ADGRL2: variants seen among roughly 807,000 people sequenced by gnomAD.
ADGRL2 encodes the protein adhesion G protein-coupled receptor L2, also known as calcium-independent alpha-latrotoxin receptor 2.
A neutral mutation model predicts 157.4 loss-of-function variants in ADGRL2; 44 were observed. The ratio of observed to expected loss-of-function variants is 0.28; its 90% CI spans 0.22 to 0.36. The LOEUF (loss-of-function observed/expected upper bound fraction) is 0.36, where lower values mean the gene tolerates loss of function less well. Ranked by LOEUF, ADGRL2 falls within the 10% of genes least tolerant of loss-of-function variation. The pLI, the probability that ADGRL2 is intolerant of heterozygous loss-of-function variation, is 1.00. For synonymous variants in ADGRL2, 585 were observed against 624.7 expected, an observed-to-expected ratio of 0.94 and a Z score of 0.95; for missense variants, 1,510 against 1,768.9, an observed-to-expected ratio of 0.85 and a Z score of 2.63.
chr1:81,466,917 TAATC>T (rs1440844864), intron 2 of ADGRL2, among the ~76,000 whole-genome samples: 3 of 152,108 alleles, frequency 2.0e-5, no homozygotes, highest in Admixed American at 6.5e-5. Context: ...ACTGAAGAGG[TAATC>T]AATCACTCTG....
intron 2 of ADGRL2, among the ~76,000 whole-genome samples, chr1:81,564,080 A>G (rs1460501893): frequency 6.6e-6 from 1 of 152,178 alleles, no homozygotes; most frequent in Non-Finnish European, 1.5e-5. Flanking sequence ...TCTAACCCCA[A>G]AACAATGATC....
At chr1:81,714,286 T>C (rs770127941) in intron 1 of ADGRL2, among the ~76,000 whole-genome samples, 11 of 152,214 alleles carry the variant, frequency 7.2e-5, no homozygotes, top group Non-Finnish European at 2.9e-5. Context: ...TTAATAATTG[T>C]GCCAGAGCAA....
intron 1 of ADGRL2, among the ~76,000 whole-genome samples, chr1:81,810,230 A>C (rs2149642636): frequency 6.6e-6 from 1 of 152,078 alleles, no homozygotes; most frequent in South Asian, 2.1e-4. Context: ...TAATGGGCAA[A>C]CCATTACAAG....
chr1:81,446,023 T>C (rs1020254049), intron 2 of ADGRL2, among the ~76,000 whole-genome samples: 2 of 152,218 alleles, frequency 1.3e-5, no homozygotes, highest in Non-Finnish European at 2.9e-5. Flanking sequence ...TTCTCAATTC[T>C]TCCATAGTCC....
intron 3 of ADGRL2, among the ~76,000 whole-genome samples, chr1:81,684,444 T>A (rs978806109): frequency 6.6e-6 from 1 of 152,230 alleles, no homozygotes; most frequent in Non-Finnish European, 1.5e-5. Flanking sequence ...TTGAGAATTG[T>A]CTATTCATGT....
chr1:81,943,673 G>A lies in ADGRL2; in HGVS notation c.1114G>A (p.Val372Met). Residue 372 changes from valine to methionine, a missense_variant, in exon 6 of 24, where the codon GTG becomes ATG. By Grantham distance (21) the Val-to-Met change is conservative. Transcript: ENST00000686636. This position sits in a 1 kb window ranked among gnomAD's most constrained non-coding sequence, Gnocchi z 5.6. ...FPNQYQYIAA[V>M]DYNPRDNQLY... ...CAACCAGTATCAGTATATTGCTGCAGTGGATTACAATCCAAGAGATAACCA... is the reference window on the plus strand; with the variant it reads ...CAACCAGTATCAGTATATTGCTGCAATGGATTACAATCCAAGAGATAACCA... 6 of 1,613,346 alleles carry A rather than the reference G, an allele frequency of 3.7e-6. No homozygotes were observed. The highest frequency in any genetic ancestry group is 5.1e-6 in the Non-Finnish European group (6 of 1,179,396).
rs149562444 is a variant in ADGRL2, at chr1:81,434,524, G to T, written c.-301-10512G>T. On this transcript the variant is annotated intron_variant, in intron 1 of 24. Coordinates refer to the ADGRL2 transcript ENST00000370721. Reference sequence around the variant, plus strand: ...TGCTTGATGAGGGTACCATAAATATGTGTTGAATTAATGAGTGAACTAGTG... The same window carrying T: ...TGCTTGATGAGGGTACCATAAATATTTGTTGAATTAATGAGTGAACTAGTG... 2.5e-4 allele frequency among the ~76,000 whole-genome samples: 38 copies of T among 152,148 alleles called. 2 individuals carry two copies. The East Asian group carries it at 7.4e-3, about 29-fold the overall frequency.
At chr1:81,457,775 C>G (rs561600544) in intron 2 of ADGRL2, among the ~76,000 whole-genome samples, 26 of 152,282 alleles carry the variant, frequency 1.7e-4, no homozygotes, top group African/African-American at 6.0e-4. Context: ...CTGGTCATCT[C>G]CATACCTTTT....
intron 2 of ADGRL2, among the ~76,000 whole-genome samples, chr1:81,476,992 A>G (rs1202866477): frequency 6.6e-6 from 1 of 152,216 alleles, no homozygotes; most frequent in Admixed American, 6.5e-5. Flanking sequence ...GGAAATATCC[A>G]TGGATGTCCC....
intron 3 of ADGRL2, among the ~76,000 whole-genome samples, chr1:81,671,112 A>C (rs2082866252): frequency 6.6e-6 from 1 of 151,776 alleles, no homozygotes; most frequent in African/African-American, 2.4e-5. Context: ...ATCTCTTTCC[A>C]CTCTCTGCAA....
At chr1:81,689,776 G>A (rs887396889) in intron 3 of ADGRL2, among the ~76,000 whole-genome samples, 11 of 152,304 alleles carry the variant, frequency 7.2e-5, no homozygotes, top group African/African-American at 1.9e-4. Flanking sequence ...GAGCCAGTGC[G>A]TTTGAGACTG....
At chr1:81,309,605 C>A (rs192697160) in intron 1 of ADGRL2, among the ~76,000 whole-genome samples, 1 of 152,308 alleles carries the variant, frequency 6.6e-6, no homozygotes, top group Non-Finnish European at 1.5e-5. Flanking sequence ...GATTTTCCAA[C>A]TCTTTTCAAA....
Position 81,875,049 on chromosome 1 carries a change from A to G in ADGRL2, c.74-31968A>G, listed in dbSNP as rs568359757. Among the ~76,000 whole-genome samples, 5 of 152,162 alleles carry G rather than the reference A, an allele frequency of 3.3e-5. No individual in the cohort carries two copies. The South Asian group carries it at 1.0e-3, about 32-fold the overall frequency. ...ATTTGCTTGTGCTGCCAGAGGAAAA[A>G]TGGCTGGATTGCCTGTGTTTTAAAC... On this transcript the variant is annotated intron_variant, in intron 2 of 23. Transcript: ENST00000686636.
chr1:81,773,998 T>C (rs894125668), intron 2 of ADGRL2, among the ~76,000 whole-genome samples: 8 of 152,176 alleles, frequency 5.3e-5, no homozygotes, highest in Non-Finnish European at 7.3e-5. Flanking sequence ...TGGGAGATGA[T>C]CGCCATCTAC....
At chr1:81,554,818 T>C (rs12087302) in intron 2 of ADGRL2, among the ~76,000 whole-genome samples, 3,152 of 152,064 alleles carry the variant, frequency 0.021, 103 homozygotes, top group African/African-American at 0.071. Context: ...AGGTCCATGT[T>C]CCAGATACCA....
At chr1:81,940,735 C>T (rs996294428) in intron 4 of ADGRL2, among the ~76,000 whole-genome samples, 2 of 151,440 alleles carry the variant, frequency 1.3e-5, no homozygotes, top group African/African-American at 4.8e-5. Flanking sequence ...ATTAGCAACC[C>T]TGATGCATTT....
intron 3 of ADGRL2, among the ~76,000 whole-genome samples, chr1:81,908,361 T>C (rs1372527666): frequency 1.3e-5 from 2 of 152,208 alleles, no homozygotes; most frequent in Non-Finnish European, 2.9e-5. Context: ...ACAGATATTT[T>C]CCAGATTGGC....
intron 2 of ADGRL2, among the ~76,000 whole-genome samples, chr1:81,571,098 G>A (rs1413910047): frequency 1.3e-5 from 2 of 151,958 alleles, no homozygotes; most frequent in Admixed American, 6.6e-5. Context: ...GCTGAGGCGG[G>A]CAGATCACCT....
intron 2 of ADGRL2, among the ~76,000 whole-genome samples, chr1:81,504,128 G>A (rs1018103067): frequency 6.6e-6 from 1 of 152,198 alleles, no homozygotes; most frequent in Non-Finnish European, 1.5e-5. Flanking sequence ...GGCATCTGCT[G>A]ATGGGAAGGC....
Sources: allele counts gnomAD v4.1 joint callset (sites outside exome capture counted in the v4.1 genomes callset), GRCh38; gene constraint gnomAD v4.1.1; non-coding constraint Gnocchi (gnomAD v3.1); transcripts MANE v1.5; gene names NCBI Gene and HGNC (gene_info 2026-07-23, HGNC 2026-07-21).